Variants in CCDC30 observed in about 807,000 individuals in gnomAD.
The protein encoded by CCDC30 is coiled-coil domain-containing protein 30.
In CCDC30, 70 loss-of-function variants were observed where a neutral mutation model predicts 100.2. The ratio of observed to expected loss-of-function variants is 0.70; its 90% confidence interval spans 0.58 to 0.85. The LOEUF (loss-of-function observed/expected upper bound fraction) is 0.85, where lower values mean the gene tolerates loss of function less well. Ranked by LOEUF, CCDC30 falls within the 40% of genes least tolerant of loss-of-function variation. CCDC30 has a pLI of 0.00. For synonymous variants in CCDC30, 233 were observed against 269.5 expected, an observed-to-expected ratio of 0.86 and a Z score of 1.33; for missense variants, 652 against 771.2, an observed-to-expected ratio of 0.85 and a Z score of 1.83.
rs779493093 is a variant in CCDC30, at chr1:42,653,433, T to C, written c.1912T>C (p.Ser638Pro). ...AGTAGTGAATGAAATATTGCCTTTA[T>C]CAAACTCCAGGTTAGTAAAGTCAAG... The change falls in exon 16 of 17, where the codon TCA (serine) becomes CCA (proline). Residue 638 changes from serine to proline, a missense_variant. Coordinates refer to ENST00000668663, the Ensembl canonical transcript of CCDC30. The C allele has an allele frequency of 1.6e-5, 26 of 1,598,352 alleles. No individual in the cohort carries two copies. The highest frequency in any genetic ancestry group is 2.1e-5 in the Non-Finnish European group (25 of 1,168,660).
At chr1:42,534,911 C>G (rs914732557) in intron 6 of CCDC30, 7 of 151,858 alleles carry the variant, frequency 4.6e-5, no homozygotes, top group African/African-American at 1.7e-4. Flanking sequence ...ATGTTAGAGC[C>G]TGAATTATCA....
chr1:42,516,118 C>T (rs1316234896), intron 6 of CCDC30, among the ~76,000 whole-genome samples: 1 of 152,200 alleles, frequency 6.6e-6, no homozygotes. Context: ...GAGGAACTGT[C>T]ATACTATTCT....
chr1:42,516,743 G>GAAGCATGAACCAAAT (rs1291633896), intron 6 of CCDC30, among the ~76,000 whole-genome samples: 2 of 152,052 alleles, frequency 1.3e-5, no homozygotes, highest in Non-Finnish European at 2.9e-5. Context: ...CTAGCCACCA[G>GAAGCATGAACCAAAT]AAGCATGAAC....
chr1:42,516,565 C>T (rs1400196641), intron 6 of CCDC30, among the ~76,000 whole-genome samples: 3 of 119,044 alleles, frequency 2.5e-5, no homozygotes, highest in Middle Eastern at 4.2e-3. Flanking sequence ...GAGCAAGACT[C>T]CATCTCAAAA....
intron 15 of CCDC30, among the ~76,000 whole-genome samples, chr1:42,649,315 ATGATACACCACATT>A (rs1353444461): frequency 6.6e-6 from 1 of 152,228 alleles, no homozygotes; most frequent in African/African-American, 2.4e-5. Flanking sequence ...ATCAATAAAC[ATGATACACCACATT>A]AATAGAATGA....
intron 11 of CCDC30, among the ~76,000 whole-genome samples, chr1:42,620,289 G>A (rs1044387924): frequency 6.6e-6 from 1 of 152,130 alleles, no homozygotes; most frequent in African/African-American, 2.4e-5. Flanking sequence ...TGGGTACTGT[G>A]CTCAATACCT....
intron 6 of CCDC30, among the ~76,000 whole-genome samples, chr1:42,512,778 T>C (rs1183765157): frequency 6.6e-6 from 1 of 152,132 alleles, no homozygotes; most frequent in African/African-American, 2.4e-5. Flanking sequence ...CTCAGCCCCA[T>C]GCGGTGGCTA....
In CCDC30 at chr1:42,653,799, C is replaced by A; in HGVS notation, c.1923-19C>A. ...ACAAACTCTATGTACATGATGTCCT[C>A]ACATATGGCATTTCTTAGTTTTTCA... On this transcript the variant is annotated intron_variant, in intron 16 of 16. Transcript: ENST00000668663. 1.3e-6 allele frequency: 2 copies of A among 1,588,046 alleles called. No homozygotes were observed. The highest frequency in any genetic ancestry group is 1.7e-6 in the Non-Finnish European group (2 of 1,156,910).
At position 42,653,678 on chromosome 1, in the gene CCDC30, T is replaced by C. The variant is rs916682424; in HGVS notation, c.1923-140T>C. 6 of 665,866 alleles carry C rather than the reference T, an allele frequency of 9.0e-6. No individual in the cohort carries two copies. In the African/African-American group the frequency reaches 1.1e-4, roughly 12 times the overall value. 41.2% of individuals were successfully genotyped at this position (665,866 alleles called of 1,614,324 possible). ...TAAGGTAGGAAATAAAATATGAACA[T>C]AGGTTTAAGGTAAATTTTATTTGGC... is the stretch of plus-strand genomic sequence containing the variant. On this transcript the variant is annotated intron_variant, in intron 16 of 16. Coordinates refer to ENST00000668663, the Ensembl canonical transcript of CCDC30.
intron 15 of CCDC30, among the ~76,000 whole-genome samples, chr1:42,652,791 T>C (rs187047378): frequency 6.6e-6 from 1 of 152,318 alleles, no homozygotes; most frequent in Admixed American, 6.5e-5. Flanking sequence ...AGGCCACATA[T>C]TGTATGATTC....
chr1:42,456,612 C>T, the CCDC30 span: 2 of 1,534,656 alleles, frequency 1.3e-6, no homozygotes, highest in Non-Finnish European at 1.7e-6. Flanking sequence ...CCTCCCGGTG[C>T]TGCGCGCTGG....
intron 6 of CCDC30, among the ~76,000 whole-genome samples, chr1:42,554,547 G>A (rs1279855031): frequency 1.4e-5 from 2 of 148,118 alleles, no homozygotes; most frequent in Non-Finnish European, 3.0e-5. Flanking sequence ...AAAGTGCTGG[G>A]ATTACAGACG....
chr1:42,648,271 A>G (rs933079867), intron 15 of CCDC30, among the ~76,000 whole-genome samples: 1 of 152,172 alleles, frequency 6.6e-6, no homozygotes, highest in Non-Finnish European at 1.5e-5. Context: ...ACAAACACCT[A>G]TATCAAAAAA....
intron 11 of CCDC30, among the ~76,000 whole-genome samples, chr1:42,627,147 C>G (rs977063645): frequency 6.6e-6 from 1 of 152,086 alleles, no homozygotes; most frequent in Admixed American, 6.5e-5. Context: ...GAGATGGTCT[C>G]AGATGGAGAT....
chr1:42,575,649 C>CAAAAAAAAAAAAAAAGAAAAA, intron 7 of CCDC30, among the ~76,000 whole-genome samples: 1 of 76,950 alleles, frequency 1.3e-5, no homozygotes, highest in South Asian at 7.2e-4. Flanking sequence ...GACCCTGTCT[C>CAAAAAAAAAAAAAAAGAAAAA]AAAAAAAAAG....
chr1:42,582,161 T>C lies in CCDC30; in HGVS notation c.1001+647T>C, dbSNP rs549281121. On this transcript the variant is annotated intron_variant, in intron 9 of 16. Transcript: ENST00000668663. Reference sequence around the variant, plus strand: ...AGGAGGATCACTTGAGCCCAGGAGTTTGAGGCTGCAGTAAGCCATGATTGA... The same window carrying C: ...AGGAGGATCACTTGAGCCCAGGAGTCTGAGGCTGCAGTAAGCCATGATTGA... Among the ~76,000 whole-genome samples, 6 of 152,090 alleles carry C rather than the reference T, an allele frequency of 3.9e-5. No homozygotes were observed. The East Asian group carries it at 7.7e-4, about 20-fold the overall frequency.
intron 6 of CCDC30, among the ~76,000 whole-genome samples, chr1:42,512,867 TCTC>T (rs1644500523): frequency 6.6e-6 from 1 of 152,118 alleles, no homozygotes; most frequent in African/African-American, 2.4e-5. Flanking sequence ...TTCTCCATGT[TCTC>T]CTCAGTACAC....
At chr1:42,521,928 C>A (rs1644654312) in intron 6 of CCDC30, among the ~76,000 whole-genome samples, 2 of 151,890 alleles carry the variant, frequency 1.3e-5, no homozygotes, top group South Asian at 4.1e-4. Flanking sequence ...TATTCTTTCA[C>A]ATTCAGTCTA....
At chr1:42,566,416 C>G in exon 7 of CCDC30, 1 of 1,613,916 alleles carries the variant, frequency 6.2e-7, no homozygotes, top group Non-Finnish European at 8.5e-7. Context: ...TCGATATGAA[C>G]GAGGGCAGAA....
Sources: gnomAD v4.1 joint callset for allele counts (sites outside exome capture counted in the v4.1 genomes callset) on GRCh38, gnomAD v4.1.1 for gene constraint, MANE v1.5 for transcripts, NCBI Gene and HGNC (gene_info 2026-07-23, HGNC 2026-07-21) for gene names.